Variants in TMEM232 observed in about 807,000 individuals in gnomAD.
The protein encoded by TMEM232 is transmembrane protein 232.
In TMEM232, 80 loss-of-function variants were observed where a neutral mutation model predicts 78.8. The ratio of observed to expected loss-of-function variants is 1.01; its 90% confidence interval spans 0.85 to 1.22. The LOEUF is 1.22. Among genes scored for constraint, TMEM232 ranks in the 50% most tolerant of loss-of-function variants. The probability of loss-of-function intolerance (pLI) is 0.00; values close to 1 mark genes in which losing one functional copy is unlikely to be tolerated. For synonymous variants in TMEM232, 297 were observed against 254.3 expected (o/e 1.17, Z -1.60); for missense variants, 881 against 742.2 (o/e 1.19, Z -2.17).
At chr5:110,710,851 G>A (rs1258406114) in intron 1 of TMEM232, among the ~76,000 whole-genome samples, 1 of 152,084 alleles carries the variant, frequency 6.6e-6, no homozygotes, top group Non-Finnish European at 1.5e-5. Flanking sequence ...CTAAAATCTG[G>A]GACATGACAA....
intron 1 of TMEM232, among the ~76,000 whole-genome samples, chr5:110,736,936 C>T (rs908751376): frequency 2.1e-4 from 32 of 150,856 alleles, no homozygotes; most frequent in African/African-American, 7.6e-4. Context: ...TCACAAATGG[C>T]TCACTCCCTC....
At chr5:110,535,288 T>C (rs1772170249) in intron 11 of TMEM232, among the ~76,000 whole-genome samples, 1 of 152,144 alleles carries the variant, frequency 6.6e-6, no homozygotes, top group Middle Eastern at 3.2e-3. Context: ...TTCTCCTGGC[T>C]CATACTGACT....
chr5:110,532,385 T>C (rs1771651286), intron 11 of TMEM232, among the ~76,000 whole-genome samples: 1 of 151,554 alleles, frequency 6.6e-6, no homozygotes, highest in East Asian at 1.9e-4. Context: ...ACTCTCACAG[T>C]GGAAGGTAAG....
intron 12 of TMEM232, among the ~76,000 whole-genome samples, chr5:110,486,373 T>C (rs1337824678): frequency 6.6e-6 from 1 of 152,162 alleles, no homozygotes; most frequent in Non-Finnish European, 1.5e-5. Flanking sequence ...CTTTGGGTTC[T>C]TGGTCATGAA....
intron 13 of TMEM232, among the ~76,000 whole-genome samples, chr5:110,422,841 A>AT (rs1448246542): frequency 2.0e-5 from 3 of 152,028 alleles, no homozygotes; most frequent in African/African-American, 4.8e-5. Context: ...AAATAATTGT[A>AT]TTTTTTTACT....
chr5:110,511,832 G>A (rs576059115), intron 12 of TMEM232, among the ~76,000 whole-genome samples: 14 of 151,920 alleles, frequency 9.2e-5, no homozygotes, highest in Non-Finnish European at 2.1e-4. Context: ...TGCTTATTGC[G>A]GTTCCTAAGA....
At chr5:110,629,178 G>A (rs1784806575) in intron 5 of TMEM232, among the ~76,000 whole-genome samples, 1 of 152,004 alleles carries the variant, frequency 6.6e-6, no homozygotes, top group South Asian at 2.1e-4. Flanking sequence ...TAGACAATGA[G>A]TGAATAACTA....
intron 1 of TMEM232, among the ~76,000 whole-genome samples, chr5:110,716,776 C>T (rs924760773): frequency 6.6e-6 from 1 of 152,082 alleles, no homozygotes; most frequent in African/African-American, 2.4e-5. Flanking sequence ...AAACCTTAGT[C>T]CTAAACTTGA....
chr5:110,619,095 C>T (rs753004755), intron 7 of TMEM232, among the ~76,000 whole-genome samples: 1 of 152,108 alleles, frequency 6.6e-6, no homozygotes, highest in Non-Finnish European at 1.5e-5. Flanking sequence ...TGCTTCCCAA[C>T]AGTTTTATAT....
At chr5:110,440,553 G>A (rs1165535394) in intron 12 of TMEM232, among the ~76,000 whole-genome samples, 1 of 152,064 alleles carries the variant, frequency 6.6e-6, no homozygotes. Flanking sequence ...TTGATAGATT[G>A]GGGGCAGACA....
Position 110,667,327 on chromosome 5 carries a change from G to A in TMEM232, c.26C>T (p.Pro9Leu). ...TATGCCTCCACATGTATTAATCATA[G>A]GTGATTTGTTAACAGGCATATTCAT... is the stretch of plus-strand genomic sequence containing the variant. MNMPVNKS[P>L]MINTCGGISS... Residue 9 changes from proline (P) to leucine (L), a missense_variant, in exon 2 of 14, where the codon CCT becomes CTT. Transcript: ENST00000455884. 1 of 1,530,456 alleles carries A rather than the reference G, an allele frequency of 6.5e-7. No individual in the cohort carries two copies. The highest frequency in any genetic ancestry group is 1.2e-5 in the South Asian group (1 of 81,076). The allele number at this position is 1,530,456 out of a possible 1,614,324, so 94.8% of individuals were successfully genotyped here.
chr5:110,491,638 T>A, intron 12 of TMEM232, among the ~76,000 whole-genome samples: 1 of 152,170 alleles, frequency 6.6e-6, no homozygotes, highest in Middle Eastern at 3.4e-3. Context: ...ATATATTTTG[T>A]GGTACATGAA....
chr5:110,431,658 G>A (rs1963563), intron 12 of TMEM232, among the ~76,000 whole-genome samples: 2,952 of 136,650 alleles, frequency 0.022, 90 homozygotes, highest in African/African-American at 0.089. Context: ...ATAGCCAGGT[G>A]AAGAATTTTG....
At chr5:110,624,871 G>T (rs1446368390) in intron 7 of TMEM232, among the ~76,000 whole-genome samples, 1 of 151,864 alleles carries the variant, frequency 6.6e-6, no homozygotes, top group Non-Finnish European at 1.5e-5. Context: ...AATGTTAAAC[G>T]TATTTTTCCT....
At chr5:110,721,215 A>C (rs1183884259) in intron 1 of TMEM232, among the ~76,000 whole-genome samples, 1 of 152,144 alleles carries the variant, frequency 6.6e-6, no homozygotes, top group Admixed American at 6.6e-5. Context: ...GCAGTCTTTT[A>C]CACTCAATAT....
intron 10 of TMEM232, among the ~76,000 whole-genome samples, chr5:110,597,896 A>C (rs1030937422): frequency 6.6e-6 from 1 of 152,222 alleles, no homozygotes; most frequent in African/African-American, 2.4e-5. Context: ...TGTTAGACCT[A>C]AAACCATAAA....
chr5:110,505,904 C>G (rs1011064014), intron 12 of TMEM232, among the ~76,000 whole-genome samples: 2 of 152,140 alleles, frequency 1.3e-5, no homozygotes, highest in African/African-American at 4.8e-5. Flanking sequence ...AATGTCTACT[C>G]AGAATTTTGT....
intron 1 of TMEM232, among the ~76,000 whole-genome samples, chr5:110,699,788 C>T (rs2150266050): frequency 6.6e-6 from 1 of 152,132 alleles, no homozygotes; most frequent in South Asian, 2.1e-4. Context: ...CCCTCCTCCA[C>T]CACCCTCTGA....
chr5:110,480,469 C>A lies in TMEM232; in HGVS notation c.1703+48119G>T, dbSNP rs183721553. On this transcript the variant is annotated intron_variant, in intron 12 of 13. Coordinates refer to ENST00000455884, the MANE Select transcript of TMEM232 (RefSeq NM_001039763.4). ...AGTTCATATTAAGTTATTGACCATACCTGAGTAAAAGATTTAGATTTTGTT... is the reference window on the plus strand; with the variant it reads ...AGTTCATATTAAGTTATTGACCATAACTGAGTAAAAGATTTAGATTTTGTT... Among the ~76,000 whole-genome samples, 22 of 152,038 alleles carry A rather than the reference C, an allele frequency of 1.4e-4. No homozygotes were observed. In the East Asian group the frequency reaches 4.1e-3, roughly 28 times the overall value.
Sources: gnomAD v4.1 joint callset for allele counts (sites outside exome capture counted in the v4.1 genomes callset) on GRCh38, gnomAD v4.1.1 for gene constraint, MANE v1.5 for transcripts, NCBI Gene and HGNC (gene_info 2026-07-23, HGNC 2026-07-21) for gene names.